The following ROBO1 variants were observed in gnomAD, a reference collection of about 807,000 sequenced individuals.
ROBO1 encodes roundabout guidance receptor 1.
Under a neutral mutation model 195.9 loss-of-function variants are expected in ROBO1, and 149 were observed. That is an observed-to-expected ratio of 0.76 (90% CI 0.67 to 0.87). The LOEUF (loss-of-function observed/expected upper bound fraction) is 0.87. ROBO1 is among the 40% of genes least tolerant of loss of function. ROBO1 has a pLI of 0.00. For synonymous variants in ROBO1, 816 were observed against 733.2 expected (o/e 1.11, Z -1.82); for missense variants, 1,933 against 2,068.3 (o/e 0.93, Z 1.27).
chr3:79,525,391 A>T (rs953690947), intron 2 of ROBO1, among the ~76,000 whole-genome samples: 8 of 149,734 alleles, frequency 5.3e-5, no homozygotes, highest in Admixed American at 1.3e-4. Flanking sequence ...ATTATGAGAA[A>T]TAATAACAAT....
chr3:79,657,664 C>T (rs947876466), intron 1 of ROBO1, among the ~76,000 whole-genome samples: 3 of 152,014 alleles, frequency 2.0e-5, no homozygotes, highest in African/African-American at 7.2e-5. Context: ...TATATGAAAA[C>T]GTTACCGAGT....
chr3:79,688,393 C>G (rs1947197922), intron 1 of ROBO1, among the ~76,000 whole-genome samples: 1 of 151,632 alleles, frequency 6.6e-6, no homozygotes, highest in South Asian at 2.1e-4. Flanking sequence ...ACAGCTTTTT[C>G]TTTCTGACAT....
At chr3:79,671,604 A>G (rs1230363440) in intron 1 of ROBO1, among the ~76,000 whole-genome samples, 1 of 151,950 alleles carries the variant, frequency 6.6e-6, no homozygotes, top group African/African-American at 2.4e-5. Flanking sequence ...CAACAAAAAT[A>G]CATTTAGAAA....
At chr3:79,500,149 GAGA>G (rs1277260760) in intron 2 of ROBO1, among the ~76,000 whole-genome samples, 3 of 45,236 alleles carry the variant, frequency 6.6e-5, no homozygotes, top group Non-Finnish European at 9.8e-5. Context: ...TTTTTTTTTT[GAGA>G]AGAAGTCTCG....
intron 2 of ROBO1, among the ~76,000 whole-genome samples, chr3:79,436,342 G>T (rs547335186): frequency 7.3e-6 from 1 of 136,408 alleles, no homozygotes; most frequent in African/African-American, 2.4e-5. Flanking sequence ...TACCATGTTT[G>T]ATTTGTATTT....
At chr3:78,699,395 C>CA (rs60574193) in intron 8 of ROBO1, among the ~76,000 whole-genome samples, 30,323 of 83,148 alleles carry the variant, frequency 0.36, 5,642 homozygotes, top group Non-Finnish European at 0.47. Context: ...ACTAAAAATA[C>CA]AAAAAAAAAA....
At chr3:79,222,475 A>G (rs1201749036) in intron 2 of ROBO1, among the ~76,000 whole-genome samples, 2 of 152,060 alleles carry the variant, frequency 1.3e-5, no homozygotes, top group Non-Finnish European at 2.9e-5. Flanking sequence ...ATCCATTCAA[A>G]ATAAAATGCT....
chr3:79,159,463 G>C (rs968070296), intron 2 of ROBO1, among the ~76,000 whole-genome samples: 20 of 151,856 alleles, frequency 1.3e-4, no homozygotes, highest in Admixed American at 6.6e-5. Context: ...GGCATCAAAG[G>C]CCACTTTCAC....
At chr3:78,899,452 G>A (rs2037451843) in intron 4 of ROBO1, among the ~76,000 whole-genome samples, 1 of 152,140 alleles carries the variant, frequency 6.6e-6, no homozygotes, top group African/African-American at 2.4e-5. Context: ...AGGATGCATG[G>A]TTATGCCACA....
At chr3:79,610,783 T>C (rs1944633612) in intron 1 of ROBO1, among the ~76,000 whole-genome samples, 2 of 152,060 alleles carry the variant, frequency 1.3e-5, no homozygotes, top group Non-Finnish European at 2.9e-5. Context: ...AGGGATACCA[T>C]GTTAGTTCTT....
chr3:78,723,644 A>G (rs2082094892), intron 5 of ROBO1, among the ~76,000 whole-genome samples: 2 of 151,976 alleles, frequency 1.3e-5, no homozygotes, highest in African/African-American at 4.8e-5. Flanking sequence ...TGTTGTCAGA[A>G]CTTGGTGTGG....
rs181492392 is a variant in ROBO1, at chr3:79,603,384, C to A, written c.-50-13423G>T. Among the ~76,000 whole-genome samples, 148 of 152,080 alleles carry A rather than the reference C, an allele frequency of 9.7e-4. 1 individual carries two copies. Among genetic ancestry groups the A allele is most frequent in the African/African-American group, 3.5e-3 (145 of 41,526 alleles). ...AGGGCATCTCACCCTCTTGACACAA[C>A]AATACCCCCCACAGCCCTTGAACTT... On this transcript the variant is annotated intron_variant, in intron 1 of 30. Transcript: ENST00000464233.
chr3:78,609,557 G>T (rs1703665570), intron 28 of ROBO1, among the ~76,000 whole-genome samples: 1 of 152,148 alleles, frequency 6.6e-6, no homozygotes. Context: ...TAACCAGGTA[G>T]TTATACAGAT....
At chr3:79,482,081 T>C (rs1329652967) in intron 2 of ROBO1, among the ~76,000 whole-genome samples, 1 of 152,204 alleles carries the variant, frequency 6.6e-6, no homozygotes, top group Non-Finnish European at 1.5e-5. Flanking sequence ...TATTCAAATA[T>C]GTATTATATT....
chr3:79,661,282 A>G (rs1415858082), intron 1 of ROBO1, among the ~76,000 whole-genome samples: 2 of 152,052 alleles, frequency 1.3e-5, no homozygotes, highest in African/African-American at 4.8e-5. Flanking sequence ...AGATCTGGCT[A>G]TGCTCTCTTT....
chr3:79,205,973 C>T (rs1383407586), intron 2 of ROBO1, among the ~76,000 whole-genome samples: 1 of 152,144 alleles, frequency 6.6e-6, no homozygotes, highest in Admixed American at 6.6e-5. Flanking sequence ...TTATGGTAGT[C>T]CCAGTTACTC....
intron 3 of ROBO1, among the ~76,000 whole-genome samples, chr3:79,101,309 T>C (rs1200600062): frequency 1.3e-5 from 2 of 151,784 alleles, no homozygotes; most frequent in South Asian, 2.1e-4. Context: ...CCAAATCTCA[T>C]GGGTGGACAG....
At chr3:79,187,691 G>A (rs981096204) in intron 2 of ROBO1, among the ~76,000 whole-genome samples, 7 of 152,028 alleles carry the variant, frequency 4.6e-5, no homozygotes, top group East Asian at 1.9e-4. Flanking sequence ...AATCTGGCTC[G>A]TATATAATCT....
chr3:78,991,835 T>C (rs1248957451), intron 3 of ROBO1, among the ~76,000 whole-genome samples: 2 of 151,990 alleles, frequency 1.3e-5, no homozygotes. Flanking sequence ...AAGCTAAACA[T>C]TGACACCAGA....
Sources: gnomAD v4.1 joint callset for allele counts (sites outside exome capture counted in the v4.1 genomes callset) on GRCh38, gnomAD v4.1.1 for gene constraint, MANE v1.5 for transcripts, NCBI Gene and HGNC (gene_info 2026-07-23, HGNC 2026-07-21) for gene names.